Variants in CSMD3 observed in about 807,000 individuals in gnomAD.
CSMD3 encodes the protein CUB and sushi domain-containing protein 3.
In CSMD3, 177 loss-of-function variants were observed where a neutral mutation model predicts 435.2. The observed-to-expected ratio is 0.41, with a 90% CI of 0.36 to 0.46. CSMD3 has a LOEUF of 0.46. CSMD3 is among the 20% of genes least tolerant of loss of function. CSMD3 has a pLI of 0.34. For missense variants in CSMD3, 4,265 were observed against 4,504.6 expected (o/e 0.95, Z 1.52); for synonymous variants, 1,656 against 1,520.5 (o/e 1.09, Z -2.07).
At chr8:112,439,086 G>A (rs563404587) in intron 32 of CSMD3, among the ~76,000 whole-genome samples, 1 of 152,244 alleles carries the variant, frequency 6.6e-6, no homozygotes, top group South Asian at 2.1e-4. Flanking sequence ...ATAATAACAT[G>A]AGATTCTGTA....
chr8:113,186,277 G>T (rs563542132), intron 3 of CSMD3, among the ~76,000 whole-genome samples: 3 of 152,020 alleles, frequency 2.0e-5, no homozygotes, highest in African/African-American at 4.8e-5. Context: ...ATATGGCCAG[G>T]TCATTGGCCA....
chr8:113,354,233 AG>A (rs1333705506), intron 1 of CSMD3, among the ~76,000 whole-genome samples: 13 of 152,152 alleles, frequency 8.5e-5, no homozygotes, highest in Non-Finnish European at 1.9e-4. Flanking sequence ...TGATTTCAAC[AG>A]GGCAGTGTTC....
chr8:112,670,574 A>C (rs1265163249), intron 16 of CSMD3, among the ~76,000 whole-genome samples: 1 of 152,166 alleles, frequency 6.6e-6, no homozygotes, highest in Non-Finnish European at 1.5e-5. Context: ...TAGGCAGAAT[A>C]TACAAGGTAT....
intron 5 of CSMD3, among the ~76,000 whole-genome samples, chr8:113,076,041 A>T (rs995309116): frequency 4.0e-5 from 6 of 151,834 alleles, no homozygotes; most frequent in Admixed American, 6.6e-5. Flanking sequence ...ACTAAAAGTT[A>T]TCTTTGAAAT....
chr8:113,083,679 G>A (rs1313375461), intron 5 of CSMD3, among the ~76,000 whole-genome samples: 1 of 152,170 alleles, frequency 6.6e-6, no homozygotes. Context: ...AATAACAAGA[G>A]TAGATCTCAC....
At chr8:113,013,386 C>T (rs990310702) in intron 6 of CSMD3, among the ~76,000 whole-genome samples, 1 of 151,394 alleles carries the variant, frequency 6.6e-6, no homozygotes, top group Non-Finnish European at 1.5e-5. Context: ...TCATCTGTTC[C>T]ATATGTTATT....
At chr8:112,593,298 T>C (rs1232534996) in intron 22 of CSMD3, among the ~76,000 whole-genome samples, 1 of 152,104 alleles carries the variant, frequency 6.6e-6, no homozygotes, top group Admixed American at 6.5e-5. Context: ...TACTAGAGGA[T>C]GAAAACCCTA....
intron 3 of CSMD3, among the ~76,000 whole-genome samples, chr8:113,246,675 T>C (rs980916124): frequency 1.4e-4 from 22 of 152,166 alleles, no homozygotes; most frequent in Non-Finnish European, 2.9e-5. Flanking sequence ...AAAATTATTT[T>C]ACAAATGTAG....
chr8:113,246,702 A>G (rs1379207913), intron 3 of CSMD3, among the ~76,000 whole-genome samples: 1 of 152,132 alleles, frequency 6.6e-6, no homozygotes, highest in Non-Finnish European at 1.5e-5. Context: ...TTGTCTGAGA[A>G]TTAGTGTCCC....
At position 112,745,213 on chromosome 8, in the gene CSMD3, G is replaced by A. The variant is rs554052725; in HGVS notation, c.1972+54949C>T. ...GTTGAGTGTTTTCTCAAGAGTCCAG[G>A]TAGTTATAGTAAGTTGTAATTGAGA... On this transcript the variant is annotated intron_variant, in intron 13 of 70. Coordinates refer to ENST00000297405, the MANE Select transcript of CSMD3 (RefSeq NM_198123.2). Among the ~76,000 whole-genome samples, 11 of 152,098 alleles carry A rather than the reference G, an allele frequency of 7.2e-5. No homozygotes were observed. In the South Asian group the frequency reaches 2.3e-3, roughly 32 times the overall value.
chr8:113,332,113 C>T lies in CSMD3; in HGVS notation c.179-17320G>A, dbSNP rs541031941. Among the ~76,000 whole-genome samples, 3 of 151,424 alleles carry T rather than the reference C, an allele frequency of 2.0e-5. 1 individual carries two copies. In the South Asian group the frequency reaches 6.2e-4, roughly 31 times the overall value. Reference sequence around the variant, plus strand: ...TCATGAACATTTTGGTTTTCCAGTGCATATAAAAGTTAAATTTACACTATA... The same window carrying T: ...TCATGAACATTTTGGTTTTCCAGTGTATATAAAAGTTAAATTTACACTATA... On this transcript the variant is annotated intron_variant, in intron 1 of 70. Coordinates refer to ENST00000297405, the MANE Select transcript of CSMD3 (RefSeq NM_198123.2).
At chr8:113,151,226 T>G (rs1261022871) in intron 4 of CSMD3, among the ~76,000 whole-genome samples, 1 of 152,008 alleles carries the variant, frequency 6.6e-6, no homozygotes, top group Non-Finnish European at 1.5e-5. Flanking sequence ...CCAAATATAA[T>G]GCATTAGTTC....
intron 38 of CSMD3, among the ~76,000 whole-genome samples, chr8:112,372,095 A>G (rs1828453499): frequency 6.6e-6 from 1 of 152,078 alleles, no homozygotes; most frequent in Admixed American, 6.6e-5. Context: ...ACAAATAAAA[A>G]TAATCCATAC....
intron 13 of CSMD3, among the ~76,000 whole-genome samples, chr8:112,758,092 C>T (rs775789027): frequency 7.2e-5 from 11 of 151,974 alleles, no homozygotes; most frequent in African/African-American, 1.9e-4. Flanking sequence ...CGGTTGCTCA[C>T]GCCTGTAATC....
intron 3 of CSMD3, among the ~76,000 whole-genome samples, chr8:113,238,493 T>C (rs79110711): frequency 0.031 from 4,776 of 152,244 alleles, 96 homozygotes; most frequent in Non-Finnish European, 0.052. Flanking sequence ...TGACTCATCC[T>C]GATAGGCAGT....
intron 38 of CSMD3, among the ~76,000 whole-genome samples, chr8:112,360,159 T>C (rs929529026): frequency 6.6e-6 from 1 of 152,028 alleles, no homozygotes; most frequent in African/African-American, 2.4e-5. Flanking sequence ...TCCTGAACAG[T>C]AAATTTATTA....
chr8:113,062,810 A>G (rs2088673430), intron 5 of CSMD3, among the ~76,000 whole-genome samples: 1 of 151,890 alleles, frequency 6.6e-6, no homozygotes. Context: ...GCTATTTAAT[A>G]GTATGTATGG....
rs1244287068 is a variant in CSMD3, at chr8:112,408,389, C to T, written c.5534G>A (p.Gly1845Asp). 6.2e-7 allele frequency: 1 copy of T among 1,609,556 alleles called. No homozygotes were observed. The highest frequency in any genetic ancestry group is 1.3e-5 in the African/African-American group (1 of 74,862). ...HSGESLPLSS[G>D]NQITIRFTSV... is the part of the protein sequence containing the mutation. ...AGTAAATCGAATTGTGATCTGATTACCTGAACTCAGTGGAAGTGATTCTCC... is the reference window on the plus strand; with the variant it reads ...AGTAAATCGAATTGTGATCTGATTATCTGAACTCAGTGGAAGTGATTCTCC... Residue 1845 changes from glycine (G) to aspartate (D), a missense_variant, in exon 34 of 71, where the codon GGT (glycine) becomes GAT (aspartate). This residue lies in a region of CSMD3 where 3,255 missense variants were observed against 3,380.2 expected (regional missense o/e 0.96). Transcript: ENST00000297405.
chr8:113,056,719 C>T (rs1258580397), intron 5 of CSMD3, among the ~76,000 whole-genome samples: 1 of 152,154 alleles, frequency 6.6e-6, no homozygotes, highest in Non-Finnish European at 1.5e-5. Context: ...CTATCATATA[C>T]GGAAAGTCCC....
Sources: gnomAD v4.1 joint callset for allele counts (sites outside exome capture counted in the v4.1 genomes callset) on GRCh38, gnomAD v4.1.1 for gene constraint, gnomAD v4.1.1 regional missense constraint, MANE v1.5 for transcripts, NCBI Gene and HGNC (gene_info 2026-07-23, HGNC 2026-07-21) for gene names.